Variants in LNPEP observed in about 807,000 individuals in gnomAD.
LNPEP encodes leucyl-cystinyl aminopeptidase.
In LNPEP, 64 loss-of-function variants were observed where a neutral mutation model predicts 120.6. The ratio of observed to expected loss-of-function variants is 0.53; its 90% CI spans 0.43 to 0.65. The LOEUF (loss-of-function observed/expected upper bound fraction) is 0.65, where lower values mean the gene tolerates loss of function less well. LNPEP is among the 30% of genes least tolerant of loss of function. The pLI is 0.00. For synonymous variants in LNPEP, 435 were observed against 425.4 expected (o/e 1.02, Z -0.28); for missense variants, 1,057 against 1,200.0 (o/e 0.88, Z 1.76).
chr5:96,970,309 A>T (rs897422449), intron 1 of LNPEP, among the ~76,000 whole-genome samples: 4 of 152,082 alleles, frequency 2.6e-5, no homozygotes, highest in Non-Finnish European at 5.9e-5. Flanking sequence ...TTCTTCATAA[A>T]AAACTTCTTT....
At chr5:96,948,899 ATATTCAAATCCTGGCTCTT>A (rs1789256041) in intron 1 of LNPEP, among the ~76,000 whole-genome samples, 2 of 152,224 alleles carry the variant, frequency 1.3e-5, no homozygotes, top group Non-Finnish European at 2.9e-5. Flanking sequence ...TCAGACAGCC[ATATTCAAATCCTGGCTCTT>A]TATTCACTAG....
chr5:96,988,282 T>A (rs116625293), intron 4 of LNPEP, among the ~76,000 whole-genome samples: 4 of 151,926 alleles, frequency 2.6e-5, no homozygotes, highest in Non-Finnish European at 5.9e-5. Flanking sequence ...TTTTCTTGTT[T>A]AAAATTTATT....
intron 6 of LNPEP, 72 bp from the exon 7 acceptor site, chr5:96,996,318 C>A: frequency 1.2e-6 from 1 of 823,216 alleles, no homozygotes. Context: ...TAATATGACA[C>A]TTCAGCCAAT....
intron 1 of LNPEP, among the ~76,000 whole-genome samples, chr5:96,959,883 A>G (rs1789556052): frequency 6.6e-6 from 1 of 151,494 alleles, no homozygotes; most frequent in Non-Finnish European, 1.5e-5. Context: ...TAATATTCAC[A>G]TGTATATTTC....
chr5:97,024,508 A>G lies in LNPEP; in HGVS notation c.2562-13A>G. 6.2e-7 allele frequency: 1 copy of G among 1,609,996 alleles called. No homozygotes were observed. The highest frequency in any genetic ancestry group is 8.5e-7 in the Non-Finnish European group (1 of 1,178,166). On this transcript the variant is annotated splice_polypyrimidine_tract_variant and intron_variant, in intron 14 of 17. Coordinates refer to ENST00000231368, the MANE Select transcript of LNPEP (RefSeq NM_005575.3). The stretch of plus-strand genomic sequence containing the variant: ...TTTCTTGTTATTCTCATGTTTGACC[A>G]CCTCTCTTACAGCCTACCTACTGAT...
rs146356105 is a variant in LNPEP, at chr5:97,002,758, C to T, written c.1654-657C>T. ...GAGAAATGTGATTTCTATTTCAAAC[C>T]GGGAAGGTCTTCACAGAGGAGGTGG... On this transcript the variant is annotated intron_variant, in intron 8 of 17. Transcript: ENST00000231368. Among the ~76,000 whole-genome samples the T allele has an allele frequency of 5.9e-5, 9 of 152,110 alleles. No individual in the cohort carries two copies. The East Asian group carries it at 1.5e-3, about 26-fold the overall frequency.
At chr5:97,026,023 T>A (rs1364381026) in intron 15 of LNPEP, among the ~76,000 whole-genome samples, 1 of 152,208 alleles carries the variant, frequency 6.6e-6, no homozygotes, top group Non-Finnish European at 1.5e-5. Flanking sequence ...GATGTCGGGC[T>A]TTGGTATTTA....
intron 1 of LNPEP, chr5:96,936,681 G>A (rs1409549824): frequency 6.6e-6 from 1 of 152,536 alleles, no homozygotes; most frequent in Non-Finnish European, 1.5e-5. Context: ...TGGAAGGAAG[G>A]GAAACTTCAG....
rs1791439102 is a variant in LNPEP, at chr5:97,030,087, G to A, written c.*1554G>A. Reference sequence around the variant, plus strand: ...TATTCGGCAGGTATCAAGTTAGAATGTATGGAATTGTGAATAAAATTATAT... The same window carrying A: ...TATTCGGCAGGTATCAAGTTAGAATATATGGAATTGTGAATAAAATTATAT... On this transcript the variant is annotated 3_prime_UTR_variant, in exon 18 of 18. Coordinates refer to ENST00000231368, the MANE Select transcript of LNPEP (RefSeq NM_005575.3). 6.6e-6 allele frequency: 1 copy of A among 151,918 alleles called. No individual in the cohort carries two copies. Among genetic ancestry groups the A allele is most frequent in the South Asian group, 2.1e-4 (1 of 4,828 alleles). 9.4% of individuals were successfully genotyped at this position (151,918 alleles called of 1,614,324 possible). A position where few individuals can be genotyped will look rare whatever the true frequency, so the allele number is the denominator to read the frequency against.
At chr5:96,953,966 C>T (rs931004435) in intron 1 of LNPEP, among the ~76,000 whole-genome samples, 2 of 152,104 alleles carry the variant, frequency 1.3e-5, no homozygotes, top group African/African-American at 2.4e-5. Flanking sequence ...GATTGCTCAC[C>T]AAGCCTTTGA....
intron 13 of LNPEP, among the ~76,000 whole-genome samples, chr5:97,019,625 G>C (rs1791144152): frequency 1.3e-5 from 2 of 152,180 alleles, no homozygotes. Context: ...CCATCTTCAA[G>C]TGTCAGATTT....
At chr5:96,964,092 T>C (rs1008125231) in intron 1 of LNPEP, among the ~76,000 whole-genome samples, 10 of 151,744 alleles carry the variant, frequency 6.6e-5, no homozygotes, top group Admixed American at 2.6e-4. Flanking sequence ...TACTCTCTGC[T>C]CTTCTATGAT....
intron 1 of LNPEP, among the ~76,000 whole-genome samples, chr5:96,971,713 A>T (rs528494366): frequency 6.6e-6 from 1 of 151,542 alleles, no homozygotes; most frequent in Admixed American, 6.6e-5. Flanking sequence ...TATTTATTGA[A>T]CCTTTTTCTC....
intron 3 of LNPEP, among the ~76,000 whole-genome samples, 159 bp from the exon 4 acceptor site, chr5:96,986,380 A>C (rs1349535026): frequency 6.6e-6 from 1 of 152,210 alleles, no homozygotes; most frequent in Non-Finnish European, 1.5e-5. Context: ...ACAGACTGAG[A>C]CTAGGAGCCA....
chr5:97,023,375 T>C (rs1481586266), intron 14 of LNPEP, among the ~76,000 whole-genome samples: 3 of 152,126 alleles, frequency 2.0e-5, no homozygotes, highest in Non-Finnish European at 4.4e-5. Context: ...TGCCCCAGTA[T>C]CCGGAGTAGC....
At chr5:96,982,709 G>A (rs1454637466) in intron 2 of LNPEP, among the ~76,000 whole-genome samples, 2 of 152,158 alleles carry the variant, frequency 1.3e-5, no homozygotes, top group African/African-American at 4.8e-5. Context: ...ATTGTTTCAT[G>A]TATGTTGATT....
At chr5:96,964,328 T>G (rs1359372240) in intron 1 of LNPEP, among the ~76,000 whole-genome samples, 1 of 151,724 alleles carries the variant, frequency 6.6e-6, no homozygotes, top group Non-Finnish European at 1.5e-5. Flanking sequence ...TTTGAGAGGT[T>G]TATTTCTATT....
chr5:96,984,854 A>G (rs1420735722), intron 2 of LNPEP, among the ~76,000 whole-genome samples: 1 of 152,184 alleles, frequency 6.6e-6, no homozygotes, highest in Non-Finnish European at 1.5e-5. Flanking sequence ...ACCTCTAGTC[A>G]GAATTTGTTT....
At chr5:96,980,341 T>C (rs900310649) in intron 2 of LNPEP, among the ~76,000 whole-genome samples, 1 of 152,178 alleles carries the variant, frequency 6.6e-6, no homozygotes, top group Non-Finnish European at 1.5e-5. Flanking sequence ...ATTTTCCTAA[T>C]GTGCAGAACT....
Sources: allele counts gnomAD v4.1 joint callset (sites outside exome capture counted in the v4.1 genomes callset), GRCh38; gene constraint gnomAD v4.1.1; transcripts MANE v1.5; gene names NCBI Gene and HGNC (gene_info 2026-07-23, HGNC 2026-07-21).